Variants in ARFIP1 observed in about 807,000 individuals in gnomAD.
The protein encoded by ARFIP1 is ARF interacting protein 1.
In ARFIP1, 24 loss-of-function variants were observed where a neutral mutation model predicts 42.5. The ratio of observed to expected loss-of-function variants is 0.57; its 90% CI spans 0.41 to 0.80. The LOEUF (loss-of-function observed/expected upper bound fraction) is 0.80, where lower values mean the gene tolerates loss of function less well. Among genes scored for constraint, ARFIP1 ranks in the 30% least tolerant of loss-of-function variants. The pLI, the probability that ARFIP1 is intolerant of heterozygous loss-of-function variation, is 0.00. For synonymous variants in ARFIP1, 141 were observed against 153.7 expected, an observed-to-expected ratio of 0.92 and a Z score of 0.61; for missense variants, 354 against 434.0, an observed-to-expected ratio of 0.82 and a Z score of 1.64.
rs934017456 is a variant in ARFIP1 at position 152,830,913 on chromosome 4, A to G, written c.93+1187A>G. The stretch of plus-strand genomic sequence containing the variant: ...ACTGAATTTCATTTATTTTTGCATT[A>G]ACAGTCTTTTGAAAAGAACTAGTAT... On this transcript the variant is annotated intron_variant, in intron 2 of 8. Transcript: ENST00000353617. Among the ~76,000 whole-genome samples, 4 of 152,184 alleles carry G rather than the reference A, an allele frequency of 2.6e-5. No homozygotes were observed. The South Asian group carries it at 8.3e-4, about 31-fold the overall frequency.
At chr4:152,848,565 C>A (rs991057140) in intron 2 of ARFIP1, among the ~76,000 whole-genome samples, 3 of 152,120 alleles carry the variant, frequency 2.0e-5, no homozygotes, top group Admixed American at 6.6e-5. Context: ...TCTGCAATAT[C>A]ATACACTACG....
chr4:152,909,767 G>A lies in ARFIP1; in HGVS notation c.967-297G>A, dbSNP rs547742346. 3.3e-5 allele frequency among the ~76,000 whole-genome samples: 5 copies of A among 152,228 alleles called. No individual in the cohort carries two copies. In the East Asian group the frequency reaches 9.6e-4, roughly 29 times the overall value. On this transcript the variant is annotated intron_variant, in intron 8 of 8. Transcript: ENST00000353617. ...TGATTTTGAATGTACTTAGTTTGAG[G>A]AGGATTTAATGATATTTTTAATTAA...
intron 6 of ARFIP1, among the ~76,000 whole-genome samples, chr4:152,881,784 A>G (rs904791046): frequency 1.3e-4 from 20 of 152,312 alleles, no homozygotes; most frequent in African/African-American, 4.6e-4. Flanking sequence ...CATAATAAGG[A>G]TAATTTTACT....
chr4:152,811,048 G>A (rs1450064894), intron 1 of ARFIP1, among the ~76,000 whole-genome samples: 2 of 148,300 alleles, frequency 1.3e-5, no homozygotes, highest in Non-Finnish European at 3.0e-5. Context: ...TAGAAGTATT[G>A]GCAACATGGA....
At position 152,797,659 on chromosome 4, in the gene ARFIP1, C is replaced by T. The variant is rs77903810; in HGVS notation, c.-10+17433C>T. On this transcript the variant is annotated intron_variant, in intron 1 of 8. Transcript: ENST00000353617. The stretch of plus-strand genomic sequence containing the variant: ...TGAAATTTTCCTTGTGTAGTTTTTA[C>T]ACATTGTTTAGTTTATTCCTAACTA... Among the ~76,000 whole-genome samples the T allele has an allele frequency of 3.9e-4, 59 of 152,242 alleles. 1 individual carries two copies. In the East Asian group the frequency reaches 0.011, roughly 28 times the overall value.
intron 8 of ARFIP1, among the ~76,000 whole-genome samples, chr4:152,903,103 T>G (rs1425913371): frequency 6.6e-6 from 1 of 152,204 alleles, no homozygotes; most frequent in Non-Finnish European, 1.5e-5. Flanking sequence ...GTTCTGAGGA[T>G]TCTCTGTAGC....
intron 2 of ARFIP1, among the ~76,000 whole-genome samples, chr4:152,832,513 T>A (rs2149848393): frequency 6.6e-6 from 1 of 152,336 alleles, no homozygotes; most frequent in Admixed American, 6.5e-5. Flanking sequence ...TGCAAATATC[T>A]TCTTCCAGTC....
At chr4:152,845,541 G>T (rs1305627799) in intron 2 of ARFIP1, among the ~76,000 whole-genome samples, 1 of 152,078 alleles carries the variant, frequency 6.6e-6, no homozygotes, top group Non-Finnish European at 1.5e-5. Context: ...ATGGGCAAAA[G>T]ACATGAATAG....
chr4:152,818,970 C>T (rs937280899), intron 1 of ARFIP1, among the ~76,000 whole-genome samples: 2 of 152,162 alleles, frequency 1.3e-5, no homozygotes, highest in South Asian at 4.1e-4. Flanking sequence ...TGCTTGTGCT[C>T]GTACCTGGGG....
chr4:152,822,108 C>G (rs539545381), intron 1 of ARFIP1, among the ~76,000 whole-genome samples: 13 of 151,914 alleles, frequency 8.6e-5, no homozygotes, highest in African/African-American at 2.9e-4. Flanking sequence ...TTAAAAGATA[C>G]AGATTGGCAG....
chr4:152,823,864 T>A lies in ARFIP1; in HGVS notation c.-9-5761T>A, dbSNP rs182822929. ...AACTCGAGAAGGAGGGATTGCTCCC[T>A]AACTCATCTTATGGGGCCAGTATCA... On this transcript the variant is annotated intron_variant, in intron 1 of 8. Coordinates refer to ENST00000353617, the MANE Select transcript of ARFIP1 (RefSeq NM_001025595.3). 2.1e-3 allele frequency among the ~76,000 whole-genome samples: 311 copies of A among 148,974 alleles called. 2 individuals carry two copies. The highest frequency in any genetic ancestry group is 7.4e-3 in the African/African-American group (299 of 40,514).
chr4:152,813,318 G>A (rs981454625), intron 1 of ARFIP1, among the ~76,000 whole-genome samples: 1 of 152,078 alleles, frequency 6.6e-6, no homozygotes, highest in Non-Finnish European at 1.5e-5. Context: ...GTGGGCTGGG[G>A]GGTCCTGGAA....
chr4:152,805,762 A>G (rs1208606030), intron 1 of ARFIP1, among the ~76,000 whole-genome samples: 1 of 152,250 alleles, frequency 6.6e-6, no homozygotes, highest in Non-Finnish European at 1.5e-5. Flanking sequence ...CAATGCTATG[A>G]GGTAGGTACC....
intron 8 of ARFIP1, among the ~76,000 whole-genome samples, chr4:152,899,396 G>T (rs1405926553): frequency 3.3e-5 from 5 of 152,104 alleles, no homozygotes; most frequent in Non-Finnish European, 7.4e-5. Flanking sequence ...TTGTAAAGAG[G>T]ATTCAGTGCT....
At chr4:152,819,517 A>G (rs909782289) in intron 1 of ARFIP1, among the ~76,000 whole-genome samples, 5 of 152,180 alleles carry the variant, frequency 3.3e-5, no homozygotes, top group African/African-American at 1.2e-4. Flanking sequence ...ATTCCCCAGC[A>G]CCAGCCTGGA....
At chr4:152,845,024 G>T (rs1326562658) in intron 2 of ARFIP1, among the ~76,000 whole-genome samples, 1 of 152,134 alleles carries the variant, frequency 6.6e-6, no homozygotes, top group African/African-American at 2.4e-5. Flanking sequence ...ATTGACCAAT[G>T]AAACAGAATA....
At chr4:152,791,338 A>G (rs189037693) in intron 1 of ARFIP1, among the ~76,000 whole-genome samples, 30 of 152,292 alleles carry the variant, frequency 2.0e-4, no homozygotes, top group African/African-American at 7.0e-4. Flanking sequence ...ATCATTTTAA[A>G]TTGTTTTGAC....
At chr4:152,804,034 G>A (rs140619101) in intron 1 of ARFIP1, among the ~76,000 whole-genome samples, 1,585 of 123,294 alleles carry the variant, frequency 0.013, 64 homozygotes, top group African/African-American at 0.047. Context: ...ATAATATAAC[G>A]TAATATATAT....
intron 1 of ARFIP1, among the ~76,000 whole-genome samples, chr4:152,819,102 G>A (rs1017922997): frequency 6.6e-6 from 1 of 152,108 alleles, no homozygotes; most frequent in African/African-American, 2.4e-5. Flanking sequence ...ATTACCTGAG[G>A]CAGCAGAGTA....
Sources: allele counts gnomAD v4.1 joint callset (sites outside exome capture counted in the v4.1 genomes callset), GRCh38; gene constraint gnomAD v4.1.1; transcripts MANE v1.5; gene names NCBI Gene and HGNC (gene_info 2026-07-23, HGNC 2026-07-21).